Variants in ATOH8 observed in about 807,000 individuals in gnomAD.
The protein encoded by ATOH8 is atonal bHLH transcription factor 8.
Under a neutral mutation model 21.2 loss-of-function variants are expected in ATOH8, and 9 were observed. The observed-to-expected ratio is 0.42, with a 90% CI of 0.26 to 0.74. ATOH8 has a LOEUF of 0.74. ATOH8 is among the 30% of genes least tolerant of loss of function. ATOH8 has a pLI of 0.24. For missense variants in ATOH8, 524 were observed against 470.9 expected (o/e 1.11, Z -1.04); for synonymous variants, 253 against 224.0 (o/e 1.13, Z -1.16).
rs1033120698 is a variant in ATOH8, at chr2:85,766,150, C to T, written c.960+1968C>T. On this transcript the variant is annotated intron_variant, in intron 2 of 2. Transcript: ENST00000306279. The surrounding 1 kb of genome is among the most constrained non-coding windows in gnomAD (Gnocchi z 4.0). ...GATGAAAGGAGTTACTGCAGGAGAG[C>T]GTGTGGTGTCTGCATGGTCACCGTC... 6.6e-6 allele frequency among the ~76,000 whole-genome samples: 1 copy of T among 152,054 alleles called. No homozygotes were observed.
Position 85,754,150 on chromosome 2 carries a change from C to A in ATOH8, c.-40C>A. ...CTCGGCGCTGAGCGCGGCGGCGGCC[C>A]GGGCAGCCCCACGCCCCTGCCTCGC... On this transcript the variant is annotated 5_prime_UTR_variant, in exon 1 of 3. Transcript: ENST00000306279. The A allele has an allele frequency of 7.0e-7, 1 of 1,438,292 alleles. No individual in the cohort carries two copies. The highest frequency in any genetic ancestry group is 9.1e-7 in the Non-Finnish European group (1 of 1,103,836). 89.1% of individuals were successfully genotyped at this position (1,438,292 alleles called of 1,614,324 possible).
intron 2 of ATOH8, among the ~76,000 whole-genome samples, chr2:85,786,038 T>C (rs1247350989): frequency 6.6e-6 from 1 of 152,146 alleles, no homozygotes; most frequent in Admixed American, 6.5e-5. Flanking sequence ...CCCTTCCTGG[T>C]AGCCAGTTAC....
At chr2:85,779,346 A>G (rs1487692573) in intron 2 of ATOH8, among the ~76,000 whole-genome samples, 2 of 152,260 alleles carry the variant, frequency 1.3e-5, no homozygotes, top group African/African-American at 4.8e-5. Flanking sequence ...TATGGAGAGA[A>G]AAACAAAGAA....
rs1680759357 is a variant in ATOH8, at chr2:85,791,199, C to T, written c.*4309C>T. 6.6e-6 allele frequency among the ~76,000 whole-genome samples: 1 copy of T among 152,172 alleles called. No individual in the cohort carries two copies. The highest frequency in any genetic ancestry group is 1.5e-5 in the Non-Finnish European group (1 of 68,028). ...CAGGCATCCTGAGGAACTTGATAGA[C>T]AAACAATGACAGTGTTTTCCAGAAC... On this transcript the variant is annotated 3_prime_UTR_variant, in exon 3 of 3. Transcript: ENST00000306279.
chr2:85,754,675 C>T lies in ATOH8; in HGVS notation c.486C>T (p.Arg162=). Residue 162 remains arginine, a synonymous_variant, in exon 1 of 3, where the codon CGC becomes CGT. Coordinates refer to ENST00000306279, the MANE Select transcript of ATOH8 (RefSeq NM_032827.7). ...TCTTGCTGTGCGCACCGCCCGCGCG[C>T]CCCGCGCCGTCAGCACCCCCAGCAC... ...PRILLCAPPA[R]PAPSAPPAPP... is the part of the protein sequence containing the mutation. The T allele has an allele frequency of 3.2e-6, 5 of 1,564,758 alleles. No homozygotes were observed. Among genetic ancestry groups the T allele is most frequent in the Non-Finnish European group, 3.5e-6 (4 of 1,156,780 alleles).
chr2:85,754,929 G>A lies in ATOH8; in HGVS notation c.740G>A (p.Ser247Asn). The change falls in exon 1 of 3, where the codon AGC (serine) becomes AAC (asparagine). Residue 247 changes from serine (S) to asparagine (N), a missense_variant. Ser to Asn is a conservative substitution (Grantham distance 46). Coordinates refer to ENST00000306279, the MANE Select transcript of ATOH8 (RefSeq NM_032827.7). ...ARERTRVHTI[S>N]AAFEALRKQV... ...GAGCGGACGCGGGTGCACACCATCAGCGCAGCCTTCGAGGCGCTCAGGAAG... is the reference window on the plus strand; with the variant it reads ...GAGCGGACGCGGGTGCACACCATCAACGCAGCCTTCGAGGCGCTCAGGAAG... 6.2e-7 allele frequency: 1 copy of A among 1,604,506 alleles called. No homozygotes were observed.
intron 2 of ATOH8, chr2:85,772,681 G>T (rs374369078): frequency 4.4e-6 from 2 of 456,498 alleles, no homozygotes; most frequent in Non-Finnish European, 4.4e-6. Flanking sequence ...AGGGAAAACC[G>T]TGCAAAAGGT....
intron 2 of ATOH8, among the ~76,000 whole-genome samples, chr2:85,764,609 T>TG (rs1679957006): frequency 1.3e-5 from 2 of 152,132 alleles, no homozygotes; most frequent in South Asian, 4.2e-4. Context: ...ACTTGGCCTG[T>TG]GGGTTATCTG....
chr2:85,761,446 G>T (rs1235390141), intron 1 of ATOH8, among the ~76,000 whole-genome samples: 3 of 152,186 alleles, frequency 2.0e-5, no homozygotes, highest in African/African-American at 4.8e-5. Flanking sequence ...GACATATCTA[G>T]GACAGAACTG....
At chr2:85,783,324 C>G (rs1680544433) in intron 2 of ATOH8, among the ~76,000 whole-genome samples, 1 of 152,182 alleles carries the variant, frequency 6.6e-6, no homozygotes, top group Admixed American at 6.5e-5. Context: ...AATCCCAGCA[C>G]TCTGGGAGGC....
chr2:85,780,108 C>G (rs1033906951), intron 2 of ATOH8, among the ~76,000 whole-genome samples: 2 of 152,146 alleles, frequency 1.3e-5, no homozygotes, highest in African/African-American at 4.8e-5. Context: ...CCTCATTGTC[C>G]TGGACTAGGG....
At chr2:85,760,140 G>A (rs1426092938) in intron 1 of ATOH8, among the ~76,000 whole-genome samples, 2 of 151,978 alleles carry the variant, frequency 1.3e-5, no homozygotes, top group Admixed American at 1.3e-4. Context: ...TGGGTGGGGT[G>A]GAATGTTTTG....
At chr2:85,757,374 G>A (rs971210514) in intron 1 of ATOH8, among the ~76,000 whole-genome samples, 7 of 152,162 alleles carry the variant, frequency 4.6e-5, no homozygotes, top group East Asian at 1.9e-4. Flanking sequence ...AATGTACTCC[G>A]CACCCCCTCC....
rs181176366 is a variant in ATOH8, at chr2:85,754,736, C to G, written c.547C>G (p.Pro183Ala). 1.9e-4 allele frequency: 300 copies of G among 1,612,568 alleles called. 5 individuals carry two copies. In the East Asian group the frequency reaches 3.2e-3, roughly 17 times the overall value. Reference sequence around the variant, plus strand: ...CCCGGAGTCCACTGTGCGCCCTGCGCCCCCGACGCGCCCCGGGGAAAGTTC... The same window carrying G: ...CCCGGAGTCCACTGTGCGCCCTGCGGCCCCGACGCGCCCCGGGGAAAGTTC... ...APPESTVRPA[P>A]PTRPGESSYS... is the part of the protein sequence containing the mutation. Residue 183 changes from proline to alanine, a missense_variant, in exon 1 of 3, where the codon CCC becomes GCC. Pro to Ala is a conservative substitution (Grantham distance 27). Transcript: ENST00000306279.
chr2:85,770,169 C>G (rs148284754), intron 2 of ATOH8, among the ~76,000 whole-genome samples: 158 of 152,144 alleles, frequency 1.0e-3, no homozygotes, highest in African/African-American at 3.7e-3. Context: ...CTCGTGGGCT[C>G]CTCTCACCAA....
intron 2 of ATOH8, among the ~76,000 whole-genome samples, chr2:85,781,728 A>T (rs1031110918): frequency 4.0e-5 from 6 of 151,882 alleles, no homozygotes; most frequent in Admixed American, 2.0e-4. Flanking sequence ...ATAAAAAAAA[A>T]CTAGCCAGGT....
chr2:85,776,033 TC>T (rs1423863179), intron 2 of ATOH8, among the ~76,000 whole-genome samples: 6 of 152,238 alleles, frequency 3.9e-5, no homozygotes, highest in African/African-American at 1.4e-4. Flanking sequence ...GCGACCTCGT[TC>T]CTGTGCACTG....
intron 2 of ATOH8, chr2:85,781,139 T>A (rs968582405): frequency 4.2e-6 from 4 of 955,980 alleles, no homozygotes; most frequent in Admixed American, 6.2e-5. Context: ...TTGTACAGCG[T>A]AATTCCACTT....
Position 85,757,320 on chromosome 2 carries a change from C to T in ATOH8, c.768+2363C>T, listed in dbSNP as rs1304510191. ...CATTCGATAGAGGAAGTCCTGTGTT[C>T]TGGAGGAGCCCCTTCCTCCTCTGGG... On this transcript the variant is annotated intron_variant, in intron 1 of 2. Coordinates refer to ENST00000306279, the MANE Select transcript of ATOH8 (RefSeq NM_032827.7). Among the ~76,000 whole-genome samples the T allele has an allele frequency of 2.0e-5, 3 of 152,376 alleles. No individual in the cohort carries two copies. The East Asian group carries it at 5.8e-4, about 29-fold the overall frequency.
Sources: allele counts gnomAD v4.1 joint callset (sites outside exome capture counted in the v4.1 genomes callset), GRCh38; gene constraint gnomAD v4.1.1; non-coding constraint Gnocchi (gnomAD v3.1); transcripts MANE v1.5; gene names NCBI Gene and HGNC (gene_info 2026-07-23, HGNC 2026-07-21).